Variants in DYNC2I1 observed in about 807,000 individuals in gnomAD.
DYNC2I1 encodes the protein cytoplasmic dynein 2 intermediate chain 1.
DYNC2I1 carries 89 observed loss-of-function variants against 133.4 expected under a neutral mutation model. The observed-to-expected ratio is 0.67, with a 90% CI of 0.56 to 0.80. DYNC2I1 has a LOEUF of 0.80. Among genes scored for constraint, DYNC2I1 ranks in the 30% least tolerant of loss-of-function variants. The pLI is 0.00. For missense variants in DYNC2I1, 1,291 were observed against 1,314.5 expected (o/e 0.98, Z 0.28); for synonymous variants, 504 against 484.3 (o/e 1.04, Z -0.54).
chr7:158,883,218 CT>C (rs201980757), intron 5 of DYNC2I1, among the ~76,000 whole-genome samples: 8,163 of 134,288 alleles, frequency 0.061, 393 homozygotes, highest in African/African-American at 0.15. Flanking sequence ...TTTTCTTCTT[CT>C]TTTTTTTTTT....
At chr7:158,877,446 T>C (rs1262268096) in intron 4 of DYNC2I1, among the ~76,000 whole-genome samples, 1 of 152,262 alleles carries the variant, frequency 6.6e-6, no homozygotes, top group East Asian at 1.9e-4. Flanking sequence ...TATTTCCTTA[T>C]GATTAATTTC....
At chr7:158,924,864 C>T (rs1849461524) in intron 17 of DYNC2I1, among the ~76,000 whole-genome samples, 1 of 152,048 alleles carries the variant, frequency 6.6e-6, no homozygotes, top group South Asian at 2.1e-4. Flanking sequence ...AAGTGATTCT[C>T]CTGCTTCAGA....
rs138787076 is a variant in DYNC2I1 at position 158,923,524 on chromosome 7, C to T, written c.2095-47C>T. The T allele has an allele frequency of 1.3e-3, 2,077 of 1,613,448 alleles. 11 individuals are homozygous for T. The Middle Eastern group carries it at 0.034, about 27-fold the overall frequency. On this transcript the variant is annotated intron_variant, in intron 16 of 24. Coordinates refer to ENST00000407559, the MANE Select transcript of DYNC2I1 (RefSeq NM_018051.5). ...AGTAAATGCAGCTTGTGTTAGCATGCTTCTCATATTCTTCTGTCATTGGCT... is the reference window on the plus strand; with the variant it reads ...AGTAAATGCAGCTTGTGTTAGCATGTTTCTCATATTCTTCTGTCATTGGCT...
intron 4 of DYNC2I1, among the ~76,000 whole-genome samples, chr7:158,877,204 G>T (rs914569148): frequency 1.3e-5 from 2 of 149,356 alleles, no homozygotes; most frequent in African/African-American, 5.0e-5. Flanking sequence ...TCCGCGGTGC[G>T]GGTGTGTTGG....
At chr7:158,875,958 C>G (rs1411976185) in intron 3 of DYNC2I1, among the ~76,000 whole-genome samples, 4 of 152,232 alleles carry the variant, frequency 2.6e-5, no homozygotes, top group Admixed American at 1.3e-4. Context: ...AGACATTTGC[C>G]TGGTTGCTTC....
the DYNC2I1 span, among the ~76,000 whole-genome samples, chr7:158,848,902 A>G: frequency 1.3e-5 from 2 of 150,816 alleles, no homozygotes; most frequent in Admixed American, 6.7e-5. Context: ...CAGCCTGGGC[A>G]ACAGAGTGAG....
At chr7:158,940,256 T>C (rs1045459726) in intron 23 of DYNC2I1, among the ~76,000 whole-genome samples, 3 of 152,172 alleles carry the variant, frequency 2.0e-5, no homozygotes, top group Admixed American at 2.0e-4. Flanking sequence ...TCATCAGGCA[T>C]TAGATTCTCA....
chr7:158,844,161 G>T, the DYNC2I1 span, among the ~76,000 whole-genome samples: 1 of 152,190 alleles, frequency 6.6e-6, no homozygotes, highest in Non-Finnish European at 1.5e-5. Flanking sequence ...CACCTTGCAG[G>T]AAGTTTTCGC....
At chr7:158,854,509 T>C (rs1344164556), upstream of DYNC2I1, among the ~76,000 whole-genome samples, 4 of 103,118 alleles carry the variant, frequency 3.9e-5, no homozygotes, top group African/African-American at 1.1e-4. Flanking sequence ...CGGGGGGGGC[T>C]GGGGGATAGC....
At chr7:158,940,024 A>G (rs1245246823) in intron 23 of DYNC2I1, among the ~76,000 whole-genome samples, 1 of 152,194 alleles carries the variant, frequency 6.6e-6, no homozygotes, top group Non-Finnish European at 1.5e-5. Flanking sequence ...AAACAGAAAT[A>G]GACTGTAATG....
intron 7 of DYNC2I1, among the ~76,000 whole-genome samples, chr7:158,890,484 C>T (rs1563119887): frequency 6.6e-6 from 1 of 152,244 alleles, no homozygotes; most frequent in East Asian, 1.9e-4. Flanking sequence ...GGAGTGCCTG[C>T]TATGTGCCAG....
At chr7:158,952,710 G>A (rs1489120427) in intron 4 of DYNC2I1, among the ~76,000 whole-genome samples, 1 of 151,750 alleles carries the variant, frequency 6.6e-6, no homozygotes, top group Non-Finnish European at 1.5e-5. Context: ...ACCCCCAGCC[G>A]CATCGTAAGA....
At chr7:158,905,379 G>T in intron 10 of DYNC2I1, 1 of 247,832 alleles carries the variant, frequency 4.0e-6, no homozygotes, top group Non-Finnish European at 8.0e-6. Context: ...GCCCTCAAGT[G>T]ATCCGCCTGC....
chr7:158,860,070 T>C (rs1020396466), intron 1 of DYNC2I1, among the ~76,000 whole-genome samples: 7 of 152,052 alleles, frequency 4.6e-5, no homozygotes, highest in Non-Finnish European at 8.8e-5. Flanking sequence ...TTTTTTTTTT[T>C]TGGAGACGAA....
At chr7:158,878,160 A>G (rs1171261056) in intron 4 of DYNC2I1, among the ~76,000 whole-genome samples, 3 of 103,338 alleles carry the variant, frequency 2.9e-5, no homozygotes, top group South Asian at 3.7e-4. Flanking sequence ...AGTGCTGGGC[A>G]TCATGTGGGG....
chr7:158,880,349 C>A (rs1351298213), intron 5 of DYNC2I1, among the ~76,000 whole-genome samples: 1 of 152,094 alleles, frequency 6.6e-6, no homozygotes, highest in African/African-American at 2.4e-5. Context: ...CCAGCCTGAC[C>A]AACATGGTGA....
chr7:158,922,076 G>T (rs906228466), intron 15 of DYNC2I1, among the ~76,000 whole-genome samples: 1 of 152,184 alleles, frequency 6.6e-6, no homozygotes, highest in Non-Finnish European at 1.5e-5. Flanking sequence ...CCAGCTCTGA[G>T]ATCCCGACTC....
chr7:158,861,858 G>A (rs1331548388), intron 1 of DYNC2I1, among the ~76,000 whole-genome samples: 1 of 152,194 alleles, frequency 6.6e-6, no homozygotes, highest in Non-Finnish European at 1.5e-5. Flanking sequence ...TTTCTTCAGA[G>A]CACTTTTCCT....
chr7:158,946,484 G>C (rs890133656), downstream of DYNC2I1, among the ~76,000 whole-genome samples: 4 of 152,248 alleles, frequency 2.6e-5, no homozygotes, highest in African/African-American at 9.6e-5. Flanking sequence ...TTTCGTGTCT[G>C]GTCAGCTGCC....
Sources: allele counts gnomAD v4.1 joint callset (sites outside exome capture counted in the v4.1 genomes callset), GRCh38; gene constraint gnomAD v4.1.1; transcripts MANE v1.5; gene names NCBI Gene and HGNC (gene_info 2026-07-23, HGNC 2026-07-21).